The following SLC28A1 variants were observed in gnomAD, a reference collection of about 807,000 sequenced individuals.
SLC28A1 encodes the protein sodium/nucleoside cotransporter 1.
In SLC28A1, 64 loss-of-function variants were observed where a neutral mutation model predicts 74.8. That is an observed-to-expected ratio of 0.86 (90% confidence interval 0.70 to 1.05). The LOEUF is 1.05. Ranked by LOEUF, SLC28A1 falls within the 50% of genes least tolerant of loss-of-function variation. SLC28A1 has a pLI of 0.00. For synonymous variants in SLC28A1, 359 were observed against 335.0 expected, an observed-to-expected ratio of 1.07 and a Z score of -0.78; for missense variants, 828 against 822.8, an observed-to-expected ratio of 1.01 and a Z score of -0.08.
chr15:84,894,901 T>C (rs7166440), intron 5 of SLC28A1, 39 bp from the exon 6 acceptor site: 67,024 of 1,594,532 alleles, frequency 0.042, 1,670 homozygotes, highest in African/African-American at 0.1. Context: ...GAAGAGGTGG[T>C]GTCCTGGCTG....
At position 84,900,184 on chromosome 15, in the gene SLC28A1, G is replaced by A. The variant is rs187199477; in HGVS notation, c.462-3913G>A. Among the ~76,000 whole-genome samples, 328 of 151,704 alleles carry A rather than the reference G, an allele frequency of 2.2e-3. 4 individuals carry two copies. The highest frequency in any genetic ancestry group is 3.4e-3 in the Non-Finnish European group (234 of 67,902). On this transcript the variant is annotated intron_variant, in intron 6 of 18. Transcript: ENST00000394573. ...ATATATATATAAAAAAATTAGCCAGGCATGGTGGCATGCGCCTGTAGTATC... is the reference window on the plus strand; with the variant it reads ...ATATATATATAAAAAAATTAGCCAGACATGGTGGCATGCGCCTGTAGTATC...
chr15:84,898,098 A>C (rs1323626319), intron 6 of SLC28A1, among the ~76,000 whole-genome samples: 1 of 151,170 alleles, frequency 6.6e-6, no homozygotes, highest in African/African-American at 2.4e-5. Flanking sequence ...ATAAACATGG[A>C]GTGCAGGTGT....
At chr15:84,956,656 C>G in the SLC28A1 span, among the ~76,000 whole-genome samples, 1 of 132,046 alleles carries the variant, frequency 7.6e-6, no homozygotes, top group African/African-American at 2.8e-5. Context: ...CCACACCTGA[C>G]TAATTTTTAC....
chr15:84,926,064 CTA>C (rs144181722), intron 12 of SLC28A1, among the ~76,000 whole-genome samples: 3,857 of 146,500 alleles, frequency 0.026, 151 homozygotes, highest in African/African-American at 0.088. Flanking sequence ...TTATTTTATT[CTA>C]TATATAATAT....
intron 1 of SLC28A1, 46 bp downstream of exon 1, chr15:84,884,797 A>G (rs1964389554): frequency 2.1e-6 from 2 of 939,758 alleles, no homozygotes; most frequent in Non-Finnish European, 1.3e-6. Flanking sequence ...GGGACTGAAG[A>G]AAGGAGGGGA....
intron 9 of SLC28A1, among the ~76,000 whole-genome samples, chr15:84,910,444 C>T (rs1967985999): frequency 6.6e-6 from 1 of 152,130 alleles, no homozygotes; most frequent in Admixed American, 6.5e-5. Flanking sequence ...AACACACACA[C>T]TCAGCTGGGC....
chr15:84,953,911 G>T, the SLC28A1 span, among the ~76,000 whole-genome samples: 1 of 152,144 alleles, frequency 6.6e-6, no homozygotes, highest in African/African-American at 2.4e-5. Flanking sequence ...AGGGATGAGG[G>T]TGTAGCTGCA....
intron 6 of SLC28A1, among the ~76,000 whole-genome samples, chr15:84,900,333 A>G (rs1234428567): frequency 1.3e-5 from 2 of 151,412 alleles, no homozygotes; most frequent in East Asian, 1.9e-4. Context: ...CTGTCTCAAA[A>G]AAAAGGAAAA....
At chr15:84,934,932 G>A (rs1971704179) in intron 13 of SLC28A1, 94 bp from the exon 14 acceptor site, 1 of 1,049,366 alleles carries the variant, frequency 9.5e-7, no homozygotes, top group Admixed American at 1.7e-5. Context: ...GCTCTGAAAT[G>A]CTCTTCCAGG....
chr15:84,929,332 G>A (rs1435268150), intron 12 of SLC28A1, among the ~76,000 whole-genome samples: 1 of 151,738 alleles, frequency 6.6e-6, no homozygotes, highest in African/African-American at 2.4e-5. Context: ...ATCACCTGAG[G>A]TCAGGAGTTC....
Position 84,933,216 on chromosome 15 carries a change from C to T in SLC28A1, c.1155C>T (p.Val385=). The change falls in exon 13 of 19, where the codon GTC becomes GTT. Residue 385 remains valine, a synonymous_variant. Coordinates refer to ENST00000394573, the MANE Select transcript of SLC28A1 (RefSeq NM_004213.5). Reference sequence around the variant, plus strand: ...GTGCCTTGGCCCTCTCCAAGCTGGTCTACCCGGAGGTGGAGGAGTCCAAGT... The same window carrying T: ...GTGCCTTGGCCCTCTCCAAGCTGGTTTACCCGGAGGTGGAGGAGTCCAAGT... ...APCALALSKL[V]YPEVEESKFR... 6.2e-7 allele frequency: 1 copy of T among 1,613,828 alleles called. No homozygotes were observed. Among genetic ancestry groups the T allele is most frequent in the Non-Finnish European group, 8.5e-7 (1 of 1,179,898 alleles).
chr15:84,890,967 C>T (rs779783622), intron 5 of SLC28A1, among the ~76,000 whole-genome samples: 1 of 152,010 alleles, frequency 6.6e-6, no homozygotes, highest in Non-Finnish European at 1.5e-5. Context: ...CGATAAAGTT[C>T]GACGTCTGCA....
At chr15:84,918,264 G>T (rs944108524) in intron 9 of SLC28A1, among the ~76,000 whole-genome samples, 1 of 152,148 alleles carries the variant, frequency 6.6e-6, no homozygotes, top group Admixed American at 6.5e-5. Flanking sequence ...AGGCCTACCT[G>T]TGCTGAGGAG....
chr15:84,885,608 G>A (rs1023065411), intron 1 of SLC28A1, among the ~76,000 whole-genome samples: 4 of 151,612 alleles, frequency 2.6e-5, no homozygotes, highest in Non-Finnish European at 5.9e-5. Context: ...GCGCATGCCT[G>A]TAATCACAGC....
chr15:84,915,825 C>G (rs1969001264), intron 9 of SLC28A1, among the ~76,000 whole-genome samples: 1 of 152,176 alleles, frequency 6.6e-6, no homozygotes, highest in Admixed American at 6.6e-5. Flanking sequence ...TCCTTCCCCT[C>G]TCACCCTTTA....
intron 16 of SLC28A1, 66 bp downstream of exon 16, chr15:84,943,592 T>C: frequency 8.2e-7 from 1 of 1,219,340 alleles, no homozygotes; most frequent in Non-Finnish European, 1.2e-6. Flanking sequence ...TCGGGACATG[T>C]AGGCCTCAGT....
intron 16 of SLC28A1, among the ~76,000 whole-genome samples, chr15:84,943,947 C>T (rs2142060567): frequency 6.6e-6 from 1 of 152,252 alleles, no homozygotes; most frequent in Non-Finnish European, 1.5e-5. Context: ...ATAGAGTTTC[C>T]TCCTAGCCCT....
At position 84,904,171 on chromosome 15, in the gene SLC28A1, T is replaced by C; in HGVS notation, c.536T>C (p.Leu179Pro). Reference protein sequence around the residue: ...SLDTSQRPEQLVSFAGICVFV... With the variant: ...SLDTSQRPEQPVSFAGICVFV... ...GACACCTCCCAGCGGCCTGAGCAAC[T>C]GGTGTCCTTCGCAGGAATCTGCGTG... is the stretch of plus-strand genomic sequence containing the variant. Residue 179 changes from leucine to proline, a missense_variant, in exon 7 of 19, where the codon CTG (leucine) becomes CCG (proline). By Grantham distance (98) the Leu-to-Pro change is moderately conservative (BLOSUM62 -3). Coordinates refer to ENST00000394573, the MANE Select transcript of SLC28A1 (RefSeq NM_004213.5). 6.2e-7 allele frequency: 1 copy of C among 1,614,242 alleles called. No individual in the cohort carries two copies. Among genetic ancestry groups the C allele is most frequent in the Non-Finnish European group, 8.5e-7 (1 of 1,180,042 alleles).
At chr15:84,962,635 C>A in the SLC28A1 span, among the ~76,000 whole-genome samples, 1 of 151,978 alleles carries the variant, frequency 6.6e-6, no homozygotes, top group African/African-American at 2.4e-5. Flanking sequence ...GATGGGGTTT[C>A]ACCATGTTGC....
Sources: allele counts gnomAD v4.1 joint callset (sites outside exome capture counted in the v4.1 genomes callset), GRCh38; gene constraint gnomAD v4.1.1; transcripts MANE v1.5; gene names NCBI Gene and HGNC (gene_info 2026-07-23, HGNC 2026-07-21).